Variants in ISX observed in about 807,000 individuals in gnomAD.
ISX encodes the protein intestine-specific homeobox.
Under a neutral mutation model 16.9 loss-of-function variants are expected in ISX, and 15 were observed. That is an observed-to-expected ratio of 0.89 (90% CI 0.59 to 1.36). The LOEUF is 1.36. Among genes scored for constraint, ISX ranks in the 40% most tolerant of loss-of-function variants. ISX has a pLI of 0.00. For synonymous variants in ISX, 125 were observed against 119.7 expected (o/e 1.04, Z -0.29); for missense variants, 316 against 306.1 (o/e 1.03, Z -0.24).
At chr22:35,068,572 T>C (rs190528670) in intron 2 of ISX, among the ~76,000 whole-genome samples, 190 of 152,274 alleles carry the variant, frequency 1.2e-3, no homozygotes, top group African/African-American at 4.5e-3. Context: ...CCTCCTGCAG[T>C]TGTACAAATC....
chr22:35,079,007 G>A (rs1056808627), intron 2 of ISX, among the ~76,000 whole-genome samples: 2 of 152,248 alleles, frequency 1.3e-5, no homozygotes, highest in African/African-American at 2.4e-5. Context: ...TGTGGCACAA[G>A]TTGCATAGTG....
Position 35,067,165 on chromosome 22 carries a change from G to C in ISX, c.78G>C (p.Lys26Asn), listed in dbSNP as rs745909237. The change falls in exon 2 of 5, where the codon AAG becomes AAC. Residue 26 changes from lysine to asparagine, a missense_variant. Coordinates refer to ENST00000404699, the MANE Select transcript of ISX (RefSeq NM_001303508.2). Reference sequence around the variant, plus strand: ...TGGGGTGCTGTGAGGCCCCGAAGAAGCTGAGCCTGTCCTTCTCCATTGAGG... The same window carrying C: ...TGGGGTGCTGTGAGGCCCCGAAGAACCTGAGCCTGTCCTTCTCCATTGAGG... ...NSLGCCEAPK[K>N]LSLSFSIEAI... 8 of 1,613,516 alleles carry C rather than the reference G, an allele frequency of 5.0e-6. No homozygotes were observed. In the South Asian group the frequency reaches 8.8e-5, roughly 18 times the overall value.
At chr22:35,078,182 T>G (rs1929033936) in intron 2 of ISX, among the ~76,000 whole-genome samples, 1 of 151,688 alleles carries the variant, frequency 6.6e-6, no homozygotes, top group African/African-American at 2.4e-5. Context: ...TTTTTTTTTT[T>G]GCAGCTTCCT....
intron 4 of ISX, 125 bp from the exon 5 acceptor site, chr22:35,085,329 G>T (rs1929224881): frequency 1.6e-6 from 2 of 1,218,248 alleles, no homozygotes; most frequent in Non-Finnish European, 2.4e-6. Context: ...AGAAGGTCCT[G>T]AGCAAACCAG....
Position 35,085,471 on chromosome 22 carries a change from C to T in ISX, c.516C>T (p.Ser172=), listed in dbSNP as rs919442547. ...NLDVAGPTWT[S]TALRRLAPPT... ...TGTGACAGGGGCCCACGTGGACATCCACTGCTCTGCGCAGGCTGGCTCCTC... is the reference window on the plus strand; with the variant it reads ...TGTGACAGGGGCCCACGTGGACATCTACTGCTCTGCGCAGGCTGGCTCCTC... The change falls in exon 5 of 5, where the codon TCC becomes TCT. Residue 172 remains serine (S), a synonymous_variant. Coordinates refer to ENST00000404699, the MANE Select transcript of ISX (RefSeq NM_001303508.2). 3.1e-6 allele frequency: 5 copies of T among 1,614,204 alleles called. No individual in the cohort carries two copies. Among genetic ancestry groups the T allele is most frequent in the Non-Finnish European group, 3.4e-6 (4 of 1,180,040 alleles).
chr22:35,085,700 G>C lies in ISX; in HGVS notation c.*7G>C, dbSNP rs375463996. On this transcript the variant is annotated 3_prime_UTR_variant, in exon 5 of 5. Coordinates refer to ENST00000404699, the MANE Select transcript of ISX (RefSeq NM_001303508.2). ...CTGTGCTACTTCAACATAGAGATTG[G>C]ACATGCTCTCCCCAAATGAGCCACT... The C allele has an allele frequency of 1.9e-5, 31 of 1,614,032 alleles. No homozygotes were observed. The highest frequency in any genetic ancestry group is 2.5e-5 in the Non-Finnish European group (30 of 1,180,002).
chr22:35,084,433 C>T lies in ISX; in HGVS notation c.432C>T (p.Gly144=). 6.2e-7 allele frequency: 1 copy of T among 1,613,774 alleles called. No individual in the cohort carries two copies. The change falls in exon 4 of 5, where the codon GGC becomes GGT. Residue 144 remains glycine, a synonymous_variant. Transcript: ENST00000404699. ...RAKWRKQEKI[G]NLGAPQQLSE... is the part of the protein sequence containing the mutation. ...AGTGGCGGAAGCAGGAGAAGATTGG[C>T]AACCTGGGGGCTCCACAGCAGCTGA...
intron 2 of ISX, among the ~76,000 whole-genome samples, chr22:35,078,008 CT>C (rs1244832551): frequency 6.6e-6 from 1 of 152,158 alleles, no homozygotes; most frequent in Non-Finnish European, 1.5e-5. Flanking sequence ...GACCCGTCTT[CT>C]GTTTCTACTC....
intron 2 of ISX, among the ~76,000 whole-genome samples, chr22:35,076,748 C>G (rs1601558959): frequency 6.6e-6 from 1 of 152,268 alleles, no homozygotes; most frequent in Non-Finnish European, 1.5e-5. Flanking sequence ...AATTAGGTGG[C>G]CTAATCACCT....
intron 2 of ISX, among the ~76,000 whole-genome samples, chr22:35,081,045 A>G (rs1929113671): frequency 6.6e-6 from 1 of 152,260 alleles, no homozygotes; most frequent in Non-Finnish European, 1.5e-5. Context: ...ACAAAAAGGT[A>G]GATGAATGAA....
chr22:35,078,721 G>T (rs1056271091), intron 2 of ISX, among the ~76,000 whole-genome samples: 2 of 152,218 alleles, frequency 1.3e-5, no homozygotes, highest in Non-Finnish European at 2.9e-5. Context: ...GGGAGTGAAA[G>T]CAAAAGCAAA....
At chr22:35,079,970 C>T (rs932367925) in intron 2 of ISX, among the ~76,000 whole-genome samples, 21 of 152,150 alleles carry the variant, frequency 1.4e-4, no homozygotes, top group Non-Finnish European at 2.9e-4. Flanking sequence ...TTGAGTCTCC[C>T]ATTCTGCCAA....
intron 2 of ISX, among the ~76,000 whole-genome samples, chr22:35,069,252 T>A (rs1172539742): frequency 6.6e-6 from 1 of 152,150 alleles, no homozygotes; most frequent in Non-Finnish European, 1.5e-5. Flanking sequence ...GCTAAACAAA[T>A]AATACAGATG....
In ISX at chr22:35,085,438, C is replaced by T. The variant is rs1328571897; in HGVS notation, c.499-16C>T. The stretch of plus-strand genomic sequence containing the variant: ...CTTAGGACTCACTTCTCTCTCCTGA[C>T]CTCTCCTTGTGACAGGGGCCCACGT... On this transcript the variant is annotated splice_polypyrimidine_tract_variant and intron_variant, in intron 4 of 4. Transcript: ENST00000404699. 6.2e-7 allele frequency: 1 copy of T among 1,614,162 alleles called. No individual in the cohort carries two copies. Among genetic ancestry groups the T allele is most frequent in the East Asian group, 2.2e-5 (1 of 44,876 alleles).
chr22:35,073,778 TAGGAGCCAGAA>T (rs1928914925), intron 2 of ISX, among the ~76,000 whole-genome samples: 2 of 152,356 alleles, frequency 1.3e-5, no homozygotes, highest in Admixed American at 1.3e-4. Context: ...ACTTGAGGTC[TAGGAGCCAGAA>T]AGGAGCCAGC....
At position 35,084,386 on chromosome 22, in the gene ISX, TG is replaced by T; in HGVS notation, c.387del (p.Trp129CysfsTer24). 1 of 1,612,290 alleles carries T rather than the reference TG, an allele frequency of 6.2e-7. No homozygotes were observed. The highest frequency in any genetic ancestry group is 1.1e-5 in the South Asian group (1 of 90,940). ...CGTCCTTTCTCCCTGATTACAGATC[TG>T]GTTCCAGAATCAGCGAGCCAAGTGG... ...INLPEARVQI[W>X]FQNQRAKWRK... is the part of the protein sequence containing the mutation. On this transcript the variant is annotated frameshift_variant, in exon 4 of 5. Transcript: ENST00000404699. LOFTEE classifies it high-confidence loss of function.
intron 3 of ISX, among the ~76,000 whole-genome samples, 163 bp downstream of exon 3, chr22:35,082,832 G>C (rs909073963): frequency 6.6e-6 from 1 of 152,174 alleles, no homozygotes; most frequent in African/African-American, 2.4e-5. Flanking sequence ...CATGAAATGA[G>C]GTCACTATAG....
intron 2 of ISX, among the ~76,000 whole-genome samples, chr22:35,081,193 CAA>C (rs1468042583): frequency 6.6e-6 from 1 of 152,154 alleles, no homozygotes; most frequent in Non-Finnish European, 1.5e-5. Context: ...GAATTGCAGA[CAA>C]GAGAGAAGAG....
chr22:35,085,223 A>C (rs1204200485), intron 4 of ISX, among the ~76,000 whole-genome samples: 2 of 152,180 alleles, frequency 1.3e-5, no homozygotes, highest in African/African-American at 4.8e-5. Flanking sequence ...GACTCAAGCC[A>C]GGTTTTAAAT....
Sources: gnomAD v4.1 joint callset for allele counts (sites outside exome capture counted in the v4.1 genomes callset) on GRCh38, gnomAD v4.1.1 for gene constraint, MANE v1.5 for transcripts, NCBI Gene and HGNC (gene_info 2026-07-23, HGNC 2026-07-21) for gene names.